Variants in PTPRT observed in about 807,000 individuals in gnomAD.
The protein encoded by PTPRT is receptor-type tyrosine-protein phosphatase T.
Under a neutral mutation model 176.8 loss-of-function variants are expected in PTPRT, and 56 were observed. The ratio of observed to expected loss-of-function variants is 0.32; its 90% CI spans 0.26 to 0.40. PTPRT has a LOEUF of 0.40. PTPRT is among the 10% of genes least tolerant of loss of function. PTPRT has a pLI of 1.00. For missense variants in PTPRT, 1,540 were observed against 1,908.2 expected (o/e 0.81, Z 3.60); for synonymous variants, 783 against 739.0 (o/e 1.06, Z -0.96).
At chr20:42,247,225 G>A (rs1311495754) in intron 14 of PTPRT, among the ~76,000 whole-genome samples, 1 of 152,164 alleles carries the variant, frequency 6.6e-6, no homozygotes, top group Admixed American at 6.5e-5. Context: ...AAAATGTCAA[G>A]AAGAAATGTC....
At chr20:42,573,823 A>G (rs1015024445) in intron 7 of PTPRT, among the ~76,000 whole-genome samples, 5 of 140,582 alleles carry the variant, frequency 3.6e-5, no homozygotes, top group Admixed American at 1.6e-4. Context: ...ATCTCAGCTC[A>G]CTGCATGCTC....
chr20:42,450,625 C>T (rs546792981), intron 8 of PTPRT, among the ~76,000 whole-genome samples: 203 of 144,098 alleles, frequency 1.4e-3, no homozygotes, highest in African/African-American at 5.0e-3. Flanking sequence ...AATATATTTT[C>T]GCCAGTTTTT....
intron 1 of PTPRT, among the ~76,000 whole-genome samples, chr20:43,004,329 T>C (rs1436936988): frequency 6.6e-6 from 1 of 152,198 alleles, no homozygotes; most frequent in East Asian, 1.9e-4. Flanking sequence ...ATAACTATGT[T>C]CGTGTCTTCC....
At chr20:42,627,162 A>C (rs972570731) in intron 7 of PTPRT, among the ~76,000 whole-genome samples, 19 of 151,904 alleles carry the variant, frequency 1.3e-4, no homozygotes, top group Non-Finnish European at 2.4e-4. Context: ...CTTCATGCTT[A>C]AAGTCTCATA....
chr20:42,886,001 T>C, intron 1 of PTPRT, 69 bp from the exon 2 acceptor site: 1 of 1,360,762 alleles, frequency 7.3e-7, no homozygotes, highest in Non-Finnish European at 9.7e-7. Context: ...CTCTGTCTCG[T>C]CGGCTCTTCA....
intron 15 of PTPRT, among the ~76,000 whole-genome samples, chr20:42,232,010 T>A (rs1231891524): frequency 6.6e-6 from 1 of 152,188 alleles, no homozygotes; most frequent in Non-Finnish European, 1.5e-5. Context: ...TCTTAGCTCT[T>A]ACCACTACAT....
chr20:42,799,885 T>C (rs2077505300), intron 2 of PTPRT, among the ~76,000 whole-genome samples: 1 of 152,192 alleles, frequency 6.6e-6, no homozygotes, highest in Non-Finnish European at 1.5e-5. Context: ...ACCTGACTAG[T>C]TAGTGGTAAG....
chr20:42,941,717 T>C (rs548056302), intron 1 of PTPRT, among the ~76,000 whole-genome samples: 1 of 152,318 alleles, frequency 6.6e-6, no homozygotes, highest in African/African-American at 2.4e-5. Context: ...GAGATGGGAC[T>C]TCAACTTCAC....
chr20:42,913,148 G>A (rs1568677047), intron 1 of PTPRT, among the ~76,000 whole-genome samples: 1 of 152,180 alleles, frequency 6.6e-6, no homozygotes, highest in African/African-American at 2.4e-5. Flanking sequence ...ACCTTACACA[G>A]AATGAACACT....
chr20:42,073,569 G>C lies in PTPRT; in HGVS notation c.*7310C>G, dbSNP rs922141103. The stretch of plus-strand genomic sequence containing the variant: ...CTGTCACTCATGGCCCTGTTGGTCA[G>C]TGGGTCTGAGTTATGGCTGCTCTCA... On this transcript the variant is annotated 3_prime_UTR_variant, in exon 31 of 31. Coordinates refer to ENST00000373187, the MANE Select transcript of PTPRT (RefSeq NM_007050.6). The C allele has an allele frequency of 9.1e-6, 2 of 218,876 alleles. No individual in the cohort carries two copies. The highest frequency in any genetic ancestry group is 1.8e-5 in the Non-Finnish European group (2 of 108,732). 13.6% of individuals were successfully genotyped at this position (218,876 alleles called of 1,614,324 possible).
chr20:43,013,722 C>T (rs1165882839), intron 1 of PTPRT, among the ~76,000 whole-genome samples: 1 of 152,204 alleles, frequency 6.6e-6, no homozygotes, highest in African/African-American at 2.4e-5. Flanking sequence ...ATTCACTCAG[C>T]AGACATTTCT....
chr20:42,260,941 A>G (rs537248004), intron 13 of PTPRT, among the ~76,000 whole-genome samples: 1 of 152,176 alleles, frequency 6.6e-6, no homozygotes, highest in Admixed American at 6.5e-5. Flanking sequence ...CTCTTGGCCA[A>G]GGTTTTCTTG....
the PTPRT span, among the ~76,000 whole-genome samples, chr20:42,056,391 T>C: frequency 2.0e-5 from 3 of 152,202 alleles, no homozygotes; most frequent in Non-Finnish European, 2.9e-5. Context: ...CTTTGGAGCA[T>C]TGTGGAGGCA....
intron 1 of PTPRT, among the ~76,000 whole-genome samples, chr20:42,927,778 T>C (rs1452611648): frequency 6.6e-6 from 1 of 152,162 alleles, no homozygotes; most frequent in African/African-American, 2.4e-5. Flanking sequence ...GGCCCAGGTA[T>C]GGTACAGTGA....
At chr20:42,748,850 C>T (rs1426050500) in intron 6 of PTPRT, among the ~76,000 whole-genome samples, 1 of 151,962 alleles carries the variant, frequency 6.6e-6, no homozygotes, top group East Asian at 1.9e-4. Flanking sequence ...ACACTGAATC[C>T]CAGAATTACC....
intron 7 of PTPRT, among the ~76,000 whole-genome samples, chr20:42,550,621 G>A (rs2072752588): frequency 6.6e-6 from 1 of 152,032 alleles, no homozygotes; most frequent in African/African-American, 2.4e-5. Flanking sequence ...CTGGTACAAA[G>A]GAACCACTTT....
chr20:42,257,618 T>A (rs1334937104), intron 13 of PTPRT, among the ~76,000 whole-genome samples: 1 of 132,706 alleles, frequency 7.5e-6, no homozygotes, highest in Non-Finnish European at 1.6e-5. Context: ...ATCTGGTCAT[T>A]TAAAAGTGTG....
rs368097389 is a variant in PTPRT at position 42,191,226 on chromosome 20, C to G, written c.2491+8014G>C. Among the ~76,000 whole-genome samples the G allele has an allele frequency of 2.7e-5, 4 of 150,880 alleles. 1 individual carries two copies. The highest frequency in any genetic ancestry group is 2.0e-4 in the East Asian group (1 of 5,124). On this transcript the variant is annotated intron_variant, in intron 16 of 30. Transcript: ENST00000373187. ...GCTTGGCAAGCAGGGTCAAACCTAA[C>G]AAGAAACAGAACAGACAAAATGTAA...
At chr20:42,739,929 G>C (rs1214184163) in intron 6 of PTPRT, among the ~76,000 whole-genome samples, 1 of 152,082 alleles carries the variant, frequency 6.6e-6, no homozygotes, top group Non-Finnish European at 1.5e-5. Flanking sequence ...TGAGGGGAAG[G>C]GCTCTTGTCT....
Sources: allele counts gnomAD v4.1 joint callset (sites outside exome capture counted in the v4.1 genomes callset), GRCh38; gene constraint gnomAD v4.1.1; transcripts MANE v1.5; gene names NCBI Gene and HGNC (gene_info 2026-07-23, HGNC 2026-07-21).